ARMC8: variants seen among roughly 807,000 people sequenced by gnomAD.
The protein encoded by ARMC8 is armadillo repeat containing 8.
A neutral mutation model predicts 99.3 loss-of-function variants in ARMC8; 20 were observed. The observed-to-expected ratio is 0.20, with a 90% CI of 0.14 to 0.29. ARMC8 has a LOEUF of 0.29. ARMC8 is among the 10% of genes least tolerant of loss of function. ARMC8 has a pLI of 1.00. For missense variants in ARMC8, 569 were observed against 809.5 expected (o/e 0.70, Z 3.60); for synonymous variants, 263 against 278.3 (o/e 0.95, Z 0.55).
Position 138,198,262 on chromosome 3 carries a change from T to C in ARMC8, c.45+10663T>C, listed in dbSNP as rs945943451. Reference sequence around the variant, plus strand: ...CTTTTAATCTAACTGTGCCCTGGCTTTTCTTTTATGAAAAAAGAAACTCCC... The same window carrying C: ...CTTTTAATCTAACTGTGCCCTGGCTCTTCTTTTATGAAAAAAGAAACTCCC... On this transcript the variant is annotated intron_variant, in intron 1 of 21. Transcript: ENST00000469044. 3.9e-5 allele frequency among the ~76,000 whole-genome samples: 6 copies of C among 152,112 alleles called. No homozygotes were observed. In the East Asian group the frequency reaches 9.6e-4, roughly 24 times the overall value.
chr3:138,264,332 G>A (rs2048042030), intron 14 of ARMC8, 120 bp downstream of exon 14: 2 of 636,682 alleles, frequency 3.1e-6, no homozygotes, highest in South Asian at 2.2e-5. Flanking sequence ...CATTTTGAAC[G>A]TTTATCTCCT....
chr3:138,241,001 G>C (rs1451425519), intron 10 of ARMC8, among the ~76,000 whole-genome samples: 2 of 152,130 alleles, frequency 1.3e-5, no homozygotes, highest in Admixed American at 1.3e-4. Context: ...AGTGAGCCGA[G>C]ATCGTGCCAT....
At chr3:138,187,671 C>T in intron 1 of ARMC8, 72 bp downstream of exon 1, 1 of 1,478,738 alleles carries the variant, frequency 6.8e-7, no homozygotes, top group Non-Finnish European at 9.1e-7. Context: ...TTCCCCCAAG[C>T]GTGGTGTGCC....
In ARMC8 at chr3:138,280,524, C is replaced by T. The variant is rs576041867; in HGVS notation, c.1726-3907C>T. On this transcript the variant is annotated intron_variant, in intron 18 of 21. Coordinates refer to ENST00000469044, the MANE Select transcript of ARMC8 (RefSeq NM_001363941.2). Reference sequence around the variant, plus strand: ...TTTTTTTTTTTTTGAGACAGTCTCTCGCTCTGTCGCCCAGGCTGGAGTGCA... The same window carrying T: ...TTTTTTTTTTTTTGAGACAGTCTCTTGCTCTGTCGCCCAGGCTGGAGTGCA... 4.9e-4 allele frequency among the ~76,000 whole-genome samples: 73 copies of T among 149,148 alleles called. 1 individual carries two copies. The highest frequency in any genetic ancestry group is 4.0e-3 in the South Asian group (19 of 4,708).
At chr3:138,283,560 A>C (rs1054129532) in intron 18 of ARMC8, among the ~76,000 whole-genome samples, 2 of 152,256 alleles carry the variant, frequency 1.3e-5, no homozygotes, top group South Asian at 4.1e-4. Context: ...CCTCATCCTG[A>C]TGCCCTGCAG....
chr3:138,242,057 C>G (rs2046650781), intron 11 of ARMC8, 74 bp downstream of exon 11: 8 of 1,238,834 alleles, frequency 6.5e-6, no homozygotes, highest in Non-Finnish European at 9.4e-6. Context: ...CAGTTTTGAA[C>G]CAATTGATAA....
chr3:138,251,936 T>C (rs911069485), intron 12 of ARMC8, among the ~76,000 whole-genome samples: 2 of 152,234 alleles, frequency 1.3e-5, no homozygotes, highest in African/African-American at 4.8e-5. Context: ...ATTAGATCTG[T>C]AAATCTAAAT....
At chr3:138,211,064 C>T (rs1315908096) in intron 2 of ARMC8, among the ~76,000 whole-genome samples, 1 of 152,064 alleles carries the variant, frequency 6.6e-6, no homozygotes, top group Non-Finnish European at 1.5e-5. Flanking sequence ...TTTAATCACT[C>T]CTTTTTAGAC....
At chr3:138,282,929 TA>T (rs1005033517) in intron 18 of ARMC8, among the ~76,000 whole-genome samples, 5 of 152,202 alleles carry the variant, frequency 3.3e-5, no homozygotes, top group African/African-American at 1.2e-4. Flanking sequence ...CCAAGAAATT[TA>T]AGACAGTTTC....
chr3:138,220,683 A>AT (rs917251982), intron 2 of ARMC8, among the ~76,000 whole-genome samples: 26 of 147,472 alleles, frequency 1.8e-4, no homozygotes, highest in South Asian at 4.3e-4. Context: ...TTATTTGTTG[A>AT]TTTTTTTTTC....
At chr3:138,217,836 G>A (rs1314031750) in intron 2 of ARMC8, among the ~76,000 whole-genome samples, 1 of 152,178 alleles carries the variant, frequency 6.6e-6, no homozygotes, top group African/African-American at 2.4e-5. Context: ...TTCTCTCTAA[G>A]CTTTCTGTTG....
intron 2 of ARMC8, among the ~76,000 whole-genome samples, chr3:138,215,671 A>T (rs2044984702): frequency 6.6e-6 from 1 of 152,116 alleles, no homozygotes; most frequent in Non-Finnish European, 1.5e-5. Context: ...CTTCATTTTT[A>T]GAGAGTGTAA....
At chr3:138,198,405 C>T (rs2043858356) in intron 1 of ARMC8, among the ~76,000 whole-genome samples, 1 of 151,718 alleles carries the variant, frequency 6.6e-6, no homozygotes, top group African/African-American at 2.4e-5. Flanking sequence ...GCTGGCTTGC[C>T]CACTGTAATA....
intron 19 of ARMC8, 123 bp downstream of exon 19, chr3:138,284,649 G>A: frequency 1.4e-6 from 1 of 702,886 alleles, no homozygotes; most frequent in Non-Finnish European, 2.4e-6. Flanking sequence ...TGACTCCTCA[G>A]ATTCAAAGAA....
chr3:138,239,467 G>GT lies in ARMC8; in HGVS notation c.779dup (p.Leu260PhefsTer6). On this transcript the variant is annotated frameshift_variant and splice_region_variant. Coordinates refer to ENST00000469044, the MANE Select transcript of ARMC8 (RefSeq NM_001363941.2). LOFTEE classifies it high-confidence loss of function. Reference sequence around the variant, plus strand: ...ACTTATTTTCTGCTGTCTTATTCCAGTTTAACTTACATGTGTAGAGCTGGA... The same window carrying GT: ...ACTTATTTTCTGCTGTCTTATTCCAGTTTTAACTTACATGTGTAGAGCTGGA... 2 of 1,595,976 alleles carry GT rather than the reference G, an allele frequency of 1.3e-6. No homozygotes were observed. Among genetic ancestry groups the GT allele is most frequent in the Non-Finnish European group, 1.7e-6 (2 of 1,172,026 alleles).
Position 138,237,536 on chromosome 3 carries a change from A to T in ARMC8, c.740A>T (p.Asp247Val). ...PQIFVKMLQR[D>V]KPIEMQLTSA... ...ATTTTTGTGAAGATGTTACAGAGGG[A>T]TAAGCCTATTGAGATGCAGCTCACA... Residue 247 changes from aspartate to valine, a missense_variant, in exon 9 of 22, where the codon GAT becomes GTT. Transcript: ENST00000469044. 6.2e-7 allele frequency: 1 copy of T among 1,613,694 alleles called. No individual in the cohort carries two copies. Among genetic ancestry groups the T allele is most frequent in the Non-Finnish European group, 8.5e-7 (1 of 1,179,982 alleles).
chr3:138,207,898 A>G (rs935330155), intron 1 of ARMC8, among the ~76,000 whole-genome samples: 14 of 152,180 alleles, frequency 9.2e-5, no homozygotes, highest in Non-Finnish European at 2.1e-4. Context: ...CCTGGTGGGC[A>G]CAAGAATTTT....
chr3:138,295,091 G>T (rs909938652), intron 21 of ARMC8, among the ~76,000 whole-genome samples: 1 of 151,962 alleles, frequency 6.6e-6, no homozygotes, highest in African/African-American at 2.4e-5. Context: ...TAGAAACAGG[G>T]TTTCACCGTG....
chr3:138,223,780 C>T, intron 5 of ARMC8, 47 bp downstream of exon 5: 1 of 1,484,806 alleles, frequency 6.7e-7, no homozygotes, highest in Non-Finnish European at 9.4e-7. Flanking sequence ...TCACCAACAG[C>T]CTACTCCTAA....
Sources: allele counts gnomAD v4.1 joint callset (sites outside exome capture counted in the v4.1 genomes callset), GRCh38; gene constraint gnomAD v4.1.1; transcripts MANE v1.5; gene names NCBI Gene and HGNC (gene_info 2026-07-23, HGNC 2026-07-21).